The following ATP2C1 variants were observed in gnomAD, a reference collection of about 807,000 sequenced individuals.
ATP2C1 encodes the protein calcium-transporting ATPase type 2C member 1.
A neutral mutation model predicts 120.5 loss-of-function variants in ATP2C1; 31 were observed. The observed-to-expected ratio is 0.26, with a 90% CI of 0.19 to 0.35. ATP2C1 has a LOEUF of 0.35. Ranked by LOEUF, ATP2C1 falls within the 10% of genes least tolerant of loss-of-function variation. The pLI is 1.00. For synonymous variants in ATP2C1, 351 were observed against 358.7 expected, an observed-to-expected ratio of 0.98 and a Z score of 0.24; for missense variants, 731 against 1,107.5, an observed-to-expected ratio of 0.66 and a Z score of 4.83.
intron 26 of ATP2C1, among the ~76,000 whole-genome samples, chr3:131,012,135 G>C (rs2063338788): frequency 6.6e-6 from 1 of 152,116 alleles, no homozygotes; most frequent in African/African-American, 2.4e-5. Context: ...TTAAGAAGCA[G>C]TGTTGATGAT....
chr3:130,886,349 T>A (rs1220699417), intron 1 of ATP2C1, among the ~76,000 whole-genome samples: 1 of 152,174 alleles, frequency 6.6e-6, no homozygotes, highest in Non-Finnish European at 1.5e-5. Flanking sequence ...TGTTCTACAG[T>A]CTTTTAGTAC....
intron 5 of ATP2C1, among the ~76,000 whole-genome samples, chr3:130,936,619 T>A (rs906456403): frequency 2.6e-5 from 4 of 151,686 alleles, no homozygotes; most frequent in African/African-American, 9.7e-5. Context: ...GAGACCATCC[T>A]GGCTAACATG....
At chr3:130,998,919 T>C (rs982662455) in intron 26 of ATP2C1, among the ~76,000 whole-genome samples, 17 of 152,200 alleles carry the variant, frequency 1.1e-4, no homozygotes, top group African/African-American at 3.9e-4. Flanking sequence ...TAGAGCTTTA[T>C]GGTACTTTTT....
At chr3:130,908,832 T>A (rs2058260181) in intron 2 of ATP2C1, among the ~76,000 whole-genome samples, 2 of 152,160 alleles carry the variant, frequency 1.3e-5, no homozygotes, top group South Asian at 4.1e-4. Flanking sequence ...TTTATTGTGA[T>A]TTTTATTGCT....
intron 6 of ATP2C1, among the ~76,000 whole-genome samples, chr3:130,940,116 G>T (rs2059829954): frequency 6.6e-6 from 1 of 152,170 alleles, no homozygotes; most frequent in Non-Finnish European, 1.5e-5. Context: ...CAGGTTGATG[G>T]GAACTGGGTC....
chr3:130,930,573 C>A lies in ATP2C1; in HGVS notation c.117+47C>A, dbSNP rs376482298. The A allele has an allele frequency of 3.5e-6, 4 of 1,153,678 alleles. No individual in the cohort carries two copies. The South Asian group carries it at 4.9e-5, about 14-fold the overall frequency. The allele number at this position is 1,153,678 out of a possible 1,614,324, so 71.5% of individuals were successfully genotyped here. A position where few individuals can be genotyped will look rare whatever the true frequency, so the allele number is the denominator to read the frequency against. On this transcript the variant is annotated intron_variant, in intron 3 of 27. Coordinates refer to ENST00000510168, the MANE Select transcript of ATP2C1 (RefSeq NM_001378687.1). Reference sequence around the variant, plus strand: ...AGGGACTAGATGGTGTAAAGTCAGTCACTTAGACTCTATAAAACAGTGCTG... The same window carrying A: ...AGGGACTAGATGGTGTAAAGTCAGTAACTTAGACTCTATAAAACAGTGCTG...
chr3:131,009,634 C>T (rs953363860), intron 26 of ATP2C1, among the ~76,000 whole-genome samples: 2 of 152,126 alleles, frequency 1.3e-5, no homozygotes, highest in Non-Finnish European at 2.9e-5. Flanking sequence ...ATGAAGTTCT[C>T]GTCTTAGAAT....
In ATP2C1 at chr3:131,015,402, T is replaced by C. The variant is rs141132348; in HGVS notation, c.2630-750T>C. ...GATGGTCAATTACCAAGATGTCCAA[T>C]CCATTGATCCTATCACTTTTTTCAC... On this transcript the variant is annotated intron_variant, in intron 26 of 26. Transcript: ENST00000328560. The C allele has an allele frequency of 3.2e-3, 1,868 of 581,644 alleles. 23 individuals carry two copies. Among genetic ancestry groups the C allele is most frequent in the African/African-American group, 0.031 (1,627 of 52,994 alleles). 36.0% of individuals were successfully genotyped at this position (581,644 alleles called of 1,614,324 possible).
At chr3:130,914,386 A>G in intron 2 of ATP2C1, 1 of 152,082 alleles carries the variant, frequency 6.6e-6, no homozygotes, top group East Asian at 1.9e-4. Flanking sequence ...AAAGAGTAGA[A>G]AGGTGTTGGA....
chr3:130,924,760 A>AT (rs1393718464), intron 2 of ATP2C1, among the ~76,000 whole-genome samples: 6 of 151,886 alleles, frequency 4.0e-5, no homozygotes, highest in East Asian at 1.9e-4. Context: ...TGCTTTGTTT[A>AT]TTTTTTTTAA....
intron 1 of ATP2C1, among the ~76,000 whole-genome samples, chr3:130,866,658 G>A (rs548132141): frequency 6.6e-6 from 1 of 152,234 alleles, no homozygotes; most frequent in South Asian, 2.1e-4. Flanking sequence ...TACCTAAGAG[G>A]GGAGAAGTAT....
intron 5 of ATP2C1, among the ~76,000 whole-genome samples, chr3:130,936,816 C>CAAAAAAAAAAAAAAAAAAAAAAAAAAAAA (rs34156218): frequency 1.3e-5 from 1 of 77,958 alleles, no homozygotes. Flanking sequence ...GACTCTGTCT[C>CAAAAAAAAAAAAAAAAAAAAAAAAAAAAA]AAAAAAAAAA....
chr3:130,893,949 G>C, upstream of ATP2C1: 5 of 985,696 alleles, frequency 5.1e-6, no homozygotes, highest in Non-Finnish European at 3.6e-6. Flanking sequence ...CCGTGAACAC[G>C]AATGCGCCTG....
At chr3:130,996,647 C>A in intron 23 of ATP2C1, 33 bp from the exon 24 acceptor site, 1 of 1,346,126 alleles carries the variant, frequency 7.4e-7, no homozygotes, top group Non-Finnish European at 1.1e-6. Context: ...ATTTACTCTA[C>A]TGATATTTTT....
chr3:130,910,398 G>T (rs1342232335), intron 2 of ATP2C1, among the ~76,000 whole-genome samples: 1 of 142,340 alleles, frequency 7.0e-6, no homozygotes, highest in Non-Finnish European at 1.5e-5. Context: ...TGCAAACAGG[G>T]ACAATTTGAC....
intron 17 of ATP2C1, 95 bp downstream of exon 17, chr3:130,969,491 A>G: frequency 1.1e-6 from 1 of 905,816 alleles, no homozygotes; most frequent in Admixed American, 2.0e-5. Flanking sequence ...ATTGTACATA[A>G]TAAAGACTTG....
rs185400859 is a variant in ATP2C1 at position 130,982,090 on chromosome 3, C to T, written c.1839+1411C>T. 1.4e-3 allele frequency among the ~76,000 whole-genome samples: 211 copies of T among 152,224 alleles called. 1 individual carries two copies. The highest frequency in any genetic ancestry group is 4.9e-3 in the African/African-American group (203 of 41,544). On this transcript the variant is annotated intron_variant, in intron 20 of 27. Coordinates refer to ENST00000510168, the MANE Select transcript of ATP2C1 (RefSeq NM_001378687.1). ...GCTTTTGATATCTCAGAACTCCCTG[C>T]CTAACCCAGGTTCACAAAGATTTTC...
At chr3:130,963,880 GTT>G in intron 12 of ATP2C1, 89 bp from the exon 13 acceptor site, 1 of 1,535,100 alleles carries the variant, frequency 6.5e-7, no homozygotes, top group African/African-American at 1.4e-5. Context: ...TTAATTTTGC[GTT>G]TTATTAAGCT....
intron 2 of ATP2C1, among the ~76,000 whole-genome samples, chr3:130,911,954 T>C (rs2058439426): frequency 7.4e-6 from 1 of 135,884 alleles, no homozygotes; most frequent in Non-Finnish European, 1.6e-5. Flanking sequence ...GCCGCATATC[T>C]ACAACTATCT....
Sources: gnomAD v4.1 joint callset for allele counts (sites outside exome capture counted in the v4.1 genomes callset) on GRCh38, gnomAD v4.1.1 for gene constraint, MANE v1.5 for transcripts, NCBI Gene and HGNC (gene_info 2026-07-23, HGNC 2026-07-21) for gene names.